The following LDB2 variants were observed in gnomAD, a reference collection of about 807,000 sequenced individuals.
The protein encoded by LDB2 is LIM domain-binding protein 2.
A neutral mutation model predicts 44.3 loss-of-function variants in LDB2; 12 were observed. That is an observed-to-expected ratio of 0.27 (90% CI 0.17 to 0.44). The LOEUF is 0.44. Ranked by LOEUF, LDB2 falls within the 20% of genes least tolerant of loss-of-function variation. The pLI, the probability that LDB2 is intolerant of heterozygous loss-of-function variation, is 1.00. For missense variants in LDB2, 344 were observed against 473.5 expected (o/e 0.73, Z 2.54); for synonymous variants, 164 against 174.8 (o/e 0.94, Z 0.49).
At chr4:16,708,420 C>T (rs1200370880) in intron 2 of LDB2, among the ~76,000 whole-genome samples, 1 of 152,084 alleles carries the variant, frequency 6.6e-6, no homozygotes, top group East Asian at 1.9e-4. Flanking sequence ...ACTTCATTAC[C>T]ATCCAGGACA....
At chr4:16,575,433 T>C (rs1199991480) in intron 5 of LDB2, among the ~76,000 whole-genome samples, 1 of 152,212 alleles carries the variant, frequency 6.6e-6, no homozygotes, top group Non-Finnish European at 1.5e-5. Flanking sequence ...TTGAACTTAA[T>C]CTGCACTAGA....
chr4:16,756,662 A>G (rs1766719845), intron 2 of LDB2, among the ~76,000 whole-genome samples: 1 of 152,156 alleles, frequency 6.6e-6, no homozygotes, highest in African/African-American at 2.4e-5. Context: ...ATATTTATTG[A>G]GCTACCTATT....
chr4:16,541,889 G>A (rs1043479387), intron 5 of LDB2, among the ~76,000 whole-genome samples: 20 of 151,818 alleles, frequency 1.3e-4, no homozygotes, highest in Admixed American at 6.6e-5. Context: ...TATTGAAAAG[G>A]TTTTTTTTCT....
At chr4:16,679,123 G>C (rs1299278603) in intron 2 of LDB2, among the ~76,000 whole-genome samples, 1 of 152,210 alleles carries the variant, frequency 6.6e-6, no homozygotes, top group Non-Finnish European at 1.5e-5. Context: ...CGGTGCAAAT[G>C]TAATCTTTTT....
At chr4:16,612,611 G>A (rs1725985600) in intron 2 of LDB2, among the ~76,000 whole-genome samples, 1 of 152,092 alleles carries the variant, frequency 6.6e-6, no homozygotes, top group Non-Finnish European at 1.5e-5. Context: ...AGAAGAAATT[G>A]ATAAATTCCT....
At chr4:16,774,750 T>C (rs1771514726) in intron 1 of LDB2, among the ~76,000 whole-genome samples, 1 of 152,194 alleles carries the variant, frequency 6.6e-6, no homozygotes, top group African/African-American at 2.4e-5. Flanking sequence ...AACTCCTCTT[T>C]GTGTTTGTGT....
intron 2 of LDB2, among the ~76,000 whole-genome samples, chr4:16,624,356 C>T (rs1729714279): frequency 6.6e-6 from 1 of 152,100 alleles, no homozygotes; most frequent in Non-Finnish European, 1.5e-5. Flanking sequence ...CTCAGTCTCC[C>T]AAAGTGCTAG....
chr4:16,821,374 G>GA (rs1781932930), intron 1 of LDB2, among the ~76,000 whole-genome samples: 2 of 21,124 alleles, frequency 9.5e-5, no homozygotes, highest in Admixed American at 1.7e-3. Context: ...TGGAATATTT[G>GA]AATTTTTTTT....
chr4:16,587,073 A>G (rs1417277435), intron 4 of LDB2, among the ~76,000 whole-genome samples: 1 of 152,212 alleles, frequency 6.6e-6, no homozygotes, highest in Non-Finnish European at 1.5e-5. Flanking sequence ...ATATTTATTA[A>G]ACCACTCTTA....
At chr4:16,686,455 C>T (rs781664684) in intron 2 of LDB2, among the ~76,000 whole-genome samples, 41 of 152,208 alleles carry the variant, frequency 2.7e-4, no homozygotes, top group Non-Finnish European at 5.4e-4. Context: ...CAAGGAAAGA[C>T]TACGTGACCT....
At chr4:16,559,553 C>G (rs1255482577) in intron 5 of LDB2, among the ~76,000 whole-genome samples, 1 of 152,082 alleles carries the variant, frequency 6.6e-6, no homozygotes, top group Admixed American at 6.6e-5. Flanking sequence ...CAGGAGCACC[C>G]AGATTCATAG....
intron 1 of LDB2, among the ~76,000 whole-genome samples, chr4:16,774,698 T>C (rs1311765246): frequency 6.6e-6 from 1 of 152,194 alleles, no homozygotes; most frequent in Non-Finnish European, 1.5e-5. Flanking sequence ...TTGGAGTCAG[T>C]GATCAAAGTC....
intron 2 of LDB2, among the ~76,000 whole-genome samples, chr4:16,707,718 G>A (rs1389886233): frequency 1.3e-5 from 2 of 151,896 alleles, no homozygotes; most frequent in East Asian, 3.9e-4. Context: ...TTAGAGATGG[G>A]TGAATGGTTT....
intron 1 of LDB2, chr4:16,888,716 G>A (rs572330447): frequency 2.0e-5 from 20 of 984,278 alleles, no homozygotes; most frequent in Admixed American, 1.2e-4. Flanking sequence ...GTGTATCGTC[G>A]TCATCGTCGT....
At chr4:16,808,951 G>A (rs934767240) in intron 1 of LDB2, among the ~76,000 whole-genome samples, 2 of 152,152 alleles carry the variant, frequency 1.3e-5, no homozygotes, top group African/African-American at 2.4e-5. Flanking sequence ...TACTCTGAAA[G>A]TCCCTTTTGC....
intron 1 of LDB2, among the ~76,000 whole-genome samples, chr4:16,850,599 C>G (rs1788020760): frequency 6.6e-6 from 1 of 152,152 alleles, no homozygotes; most frequent in African/African-American, 2.4e-5. Context: ...ATACGGTGAT[C>G]CAAAGTAACC....
chr4:16,847,887 A>G (rs1326589719), intron 1 of LDB2, among the ~76,000 whole-genome samples: 1 of 152,248 alleles, frequency 6.6e-6, no homozygotes, highest in African/African-American at 2.4e-5. Flanking sequence ...GAGTGCTGGG[A>G]TTACAGGCGT....
chr4:16,851,592 C>CTCCA (rs1241919782), intron 1 of LDB2, among the ~76,000 whole-genome samples: 1 of 148,666 alleles, frequency 6.7e-6, no homozygotes, highest in East Asian at 2.0e-4. Flanking sequence ...AGACTCTTGT[C>CTCCA]TCCAAAAAAA....
At chr4:16,526,899 TAGC>T (rs1728450709) in intron 5 of LDB2, among the ~76,000 whole-genome samples, 1 of 152,314 alleles carries the variant, frequency 6.6e-6, no homozygotes, top group East Asian at 1.9e-4. Context: ...TAATGTGTCT[TAGC>T]AGCAATAGAA....
Sources: gnomAD v4.1 joint callset for allele counts (sites outside exome capture counted in the v4.1 genomes callset) on GRCh38, gnomAD v4.1.1 for gene constraint, MANE v1.5 for transcripts, NCBI Gene and HGNC (gene_info 2026-07-23, HGNC 2026-07-21) for gene names.